UNC5C: variants seen among roughly 807,000 people sequenced by gnomAD.
UNC5C encodes netrin receptor UNC5C.
UNC5C carries 47 observed loss-of-function variants against 99.8 expected under a neutral mutation model. That is an observed-to-expected ratio of 0.47 (90% CI 0.37 to 0.60). The LOEUF (loss-of-function observed/expected upper bound fraction) is 0.60, where lower values mean the gene tolerates loss of function less well. Ranked by LOEUF, UNC5C falls within the 20% of genes least tolerant of loss-of-function variation. The probability of loss-of-function intolerance (pLI) is 0.00; values close to 1 mark genes in which losing one functional copy is unlikely to be tolerated. For synonymous variants in UNC5C, 487 were observed against 452.2 expected (o/e 1.08, Z -0.98); for missense variants, 1,062 against 1,165.9 (o/e 0.91, Z 1.30).
chr4:95,522,170 T>C (rs898723035), intron 1 of UNC5C, among the ~76,000 whole-genome samples: 1 of 152,084 alleles, frequency 6.6e-6, no homozygotes, highest in African/African-American at 2.4e-5. Context: ...GTATAGTTTA[T>C]ATTATTTATT....
chr4:95,256,821 A>C (rs1740015396), intron 4 of UNC5C, among the ~76,000 whole-genome samples: 1 of 151,348 alleles, frequency 6.6e-6, no homozygotes. Context: ...AAAACTAAAG[A>C]GTTTGGAGTC....
intron 1 of UNC5C, among the ~76,000 whole-genome samples, chr4:95,469,960 A>G (rs1483438112): frequency 6.6e-6 from 1 of 152,184 alleles, no homozygotes; most frequent in Non-Finnish European, 1.5e-5. Context: ...TGGCTACACC[A>G]TTATTACAGT....
intron 1 of UNC5C, among the ~76,000 whole-genome samples, chr4:95,547,983 C>T (rs1267546918): frequency 6.6e-6 from 1 of 152,194 alleles, no homozygotes; most frequent in East Asian, 1.9e-4. Context: ...GTCGACTACC[C>T]CGGGGAGTTT....
At chr4:95,259,463 C>T (rs2149385864) in intron 4 of UNC5C, among the ~76,000 whole-genome samples, 1 of 152,274 alleles carries the variant, frequency 6.6e-6, no homozygotes, top group East Asian at 1.9e-4. Flanking sequence ...CCTTCGCTGG[C>T]ATTTCTGTGG....
At chr4:95,322,805 A>G (rs1742739071) in intron 2 of UNC5C, among the ~76,000 whole-genome samples, 1 of 151,838 alleles carries the variant, frequency 6.6e-6, no homozygotes, top group South Asian at 2.1e-4. Flanking sequence ...TAGGCATGCC[A>G]GCAGCATCTG....
At chr4:95,215,870 C>T (rs928531205) in intron 10 of UNC5C, among the ~76,000 whole-genome samples, 3 of 152,116 alleles carry the variant, frequency 2.0e-5, no homozygotes, top group African/African-American at 7.2e-5. Context: ...GACATTTTTC[C>T]AGGAAATATG....
chr4:95,383,675 T>G (rs928262030), intron 1 of UNC5C, among the ~76,000 whole-genome samples: 2 of 152,194 alleles, frequency 1.3e-5, no homozygotes, highest in Non-Finnish European at 2.9e-5. Context: ...TTATTCAATA[T>G]GAGAGAGTTG....
chr4:95,394,665 G>GTGTGTGTGTGTGTT (rs1174030137), intron 1 of UNC5C, among the ~76,000 whole-genome samples: 3 of 151,938 alleles, frequency 2.0e-5, no homozygotes. Flanking sequence ...GTGTGTGTGT[G>GTGTGTGTGTGTGTT]TGTGTGTGTG....
intron 3 of UNC5C, among the ~76,000 whole-genome samples, chr4:95,281,113 C>T (rs557498366): frequency 2.0e-5 from 3 of 152,194 alleles, no homozygotes; most frequent in South Asian, 2.1e-4. Flanking sequence ...AAACTTCTGC[C>T]TGATGTGGGG....
intron 1 of UNC5C, among the ~76,000 whole-genome samples, chr4:95,370,177 A>G (rs1000032038): frequency 2.0e-5 from 3 of 152,178 alleles, no homozygotes; most frequent in Non-Finnish European, 4.4e-5. Flanking sequence ...ATTAAATTTC[A>G]AAGACTCAGG....
chr4:95,540,545 A>G (rs1219741288), intron 1 of UNC5C, among the ~76,000 whole-genome samples: 3 of 152,196 alleles, frequency 2.0e-5, no homozygotes, highest in Non-Finnish European at 4.4e-5. Flanking sequence ...GAGGAGATCC[A>G]GAAGGAAAAA....
chr4:95,526,426 G>A (rs76386268), intron 1 of UNC5C, among the ~76,000 whole-genome samples: 1,732 of 152,072 alleles, frequency 0.011, 94 homozygotes, highest in Admixed American at 0.1. Flanking sequence ...TGAAGAAAAT[G>A]CTCTAAAAGG....
At chr4:95,459,359 A>C (rs746215377) in intron 1 of UNC5C, among the ~76,000 whole-genome samples, 13 of 152,166 alleles carry the variant, frequency 8.5e-5, no homozygotes, top group Non-Finnish European at 1.5e-4. Flanking sequence ...ATCAAAATAT[A>C]CAAAGTCATT....
chr4:95,430,824 T>C (rs1746615936), intron 1 of UNC5C, among the ~76,000 whole-genome samples: 1 of 152,180 alleles, frequency 6.6e-6, no homozygotes, highest in South Asian at 2.1e-4. Context: ...CCTAAGAACG[T>C]GAAAGAACCC....
At chr4:95,544,286 C>T (rs187463240) in intron 1 of UNC5C, among the ~76,000 whole-genome samples, 5 of 152,302 alleles carry the variant, frequency 3.3e-5, no homozygotes, top group Admixed American at 3.3e-4. Flanking sequence ...ATTAACAGCT[C>T]TTAGCCTGTG....
At chr4:95,288,551 A>T (rs540386736) in intron 3 of UNC5C, among the ~76,000 whole-genome samples, 2 of 152,346 alleles carry the variant, frequency 1.3e-5, no homozygotes, top group African/African-American at 4.8e-5. Flanking sequence ...GGCTTAAAAC[A>T]ACAGAAATAT....
chr4:95,258,548 T>A (rs1245737186), intron 4 of UNC5C, among the ~76,000 whole-genome samples: 3 of 152,116 alleles, frequency 2.0e-5, no homozygotes, highest in South Asian at 2.1e-4. Context: ...ACAATTTCTG[T>A]CCTTGTGGTT....
chr4:95,456,617 A>T (rs779322109), intron 1 of UNC5C, among the ~76,000 whole-genome samples: 17 of 152,172 alleles, frequency 1.1e-4, no homozygotes, highest in Non-Finnish European at 2.2e-4. Context: ...AGCCAGACAT[A>T]TTAAGGAAAT....
In UNC5C at chr4:95,284,621, A is replaced by T. The variant is rs528353599; in HGVS notation, c.491-6259T>A. On this transcript the variant is annotated intron_variant, in intron 3 of 15. Transcript: ENST00000453304. ...AGTGGGTTACAGAAATTTGGTATTT[A>T]AAAAAATTAGCAAATTCTTTGTATA... Among the ~76,000 whole-genome samples the T allele has an allele frequency of 3.8e-3, 585 of 152,260 alleles. 1 individual carries two copies. Among genetic ancestry groups the T allele is most frequent in the African/African-American group, 0.014 (563 of 41,542 alleles).
Sources: allele counts gnomAD v4.1 joint callset (sites outside exome capture counted in the v4.1 genomes callset), GRCh38; gene constraint gnomAD v4.1.1; transcripts MANE v1.5; gene names NCBI Gene and HGNC (gene_info 2026-07-23, HGNC 2026-07-21).